ZFHX3: variants seen among roughly 807,000 people sequenced by gnomAD.
ZFHX3 encodes zinc finger homeobox 3, also known as zinc finger homeobox protein 3.
In ZFHX3, 42 loss-of-function variants were observed where a neutral mutation model predicts 279.1. That is an observed-to-expected ratio of 0.15 (90% CI 0.12 to 0.19). The LOEUF is 0.19. ZFHX3 is among the 10% of genes least tolerant of loss of function. The pLI is 1.00. For synonymous variants in ZFHX3, 2,293 were observed against 1,957.8 expected, an observed-to-expected ratio of 1.17 and a Z score of -4.52; for missense variants, 4,981 against 4,754.0, an observed-to-expected ratio of 1.05 and a Z score of -1.40.
intron 2 of ZFHX3, among the ~76,000 whole-genome samples, chr16:73,560,805 C>A (rs999513625): frequency 6.6e-6 from 1 of 152,158 alleles, no homozygotes; most frequent in Non-Finnish European, 1.5e-5. Context: ...TTGTGTGAGT[C>A]GCTGCTACTT....
chr16:73,135,972 C>T (rs1966782457), intron 6 of ZFHX3, among the ~76,000 whole-genome samples: 1 of 152,226 alleles, frequency 6.6e-6, no homozygotes, highest in Admixed American at 6.5e-5. Flanking sequence ...ATTCCCCTGC[C>T]TCAGCCTCCT....
At chr16:73,738,933 CT>C (rs551915429) in intron 1 of ZFHX3, among the ~76,000 whole-genome samples, 207 of 152,262 alleles carry the variant, frequency 1.4e-3, no homozygotes, top group Non-Finnish European at 2.4e-3. Flanking sequence ...CAGAAGCTTC[CT>C]TTCGTCTATA....
chr16:73,077,339 A>G (rs1965896206), intron 8 of ZFHX3, among the ~76,000 whole-genome samples: 1 of 152,204 alleles, frequency 6.6e-6, no homozygotes, highest in Non-Finnish European at 1.5e-5. Context: ...ACTACAGATT[A>G]TTCTAGAAAT....
At chr16:73,599,214 C>A (rs2052085133) in intron 2 of ZFHX3, among the ~76,000 whole-genome samples, 1 of 152,220 alleles carries the variant, frequency 6.6e-6, no homozygotes, top group African/African-American at 2.4e-5. Context: ...TGTCTGTTAT[C>A]CCTCCATTAG....
chr16:73,484,382 T>C (rs2018935286), intron 2 of ZFHX3, among the ~76,000 whole-genome samples: 1 of 152,180 alleles, frequency 6.6e-6, no homozygotes, highest in South Asian at 2.1e-4. Flanking sequence ...TCATGATGCA[T>C]TAAGCCCCGA....
In ZFHX3 at chr16:72,797,483, T is replaced by C. The variant is rs112722798; in HGVS notation, c.5199A>G (p.Gln1733=). The change falls in exon 9 of 10, where the codon CAA becomes CAG. Residue 1733 remains glutamine (Q), a synonymous_variant. Coordinates refer to ENST00000268489, the MANE Select transcript of ZFHX3 (RefSeq NM_006885.4). The stretch of plus-strand genomic sequence containing the variant: ...CTTGTTGTTGTTGTTGTTGTTGTTG[T>C]TGTTGCTGTTGCTGCTGCTGTTGTT... The part of the protein sequence containing the change: ...QQQQQQQQQQ[Q]QQQQQQQQAQ... 13 of 1,597,260 alleles carry C rather than the reference T, an allele frequency of 8.1e-6. No homozygotes were observed. In the East Asian group the frequency reaches 1.1e-4, roughly 14 times the overall value.
intron 4 of ZFHX3, among the ~76,000 whole-genome samples, chr16:72,845,572 AC>A (rs2037457676): frequency 6.6e-6 from 1 of 151,860 alleles, no homozygotes; most frequent in African/African-American, 2.4e-5. Flanking sequence ...GTGTCACGGC[AC>A]CCCCGTCCTG....
At chr16:73,878,385 C>G (rs1487880332) in intron 1 of ZFHX3, among the ~76,000 whole-genome samples, 1 of 152,018 alleles carries the variant, frequency 6.6e-6, no homozygotes, top group Non-Finnish European at 1.5e-5. Context: ...GGGGTTCAGC[C>G]AAGAAGAACC....
chr16:73,779,730 T>C (rs1489204711), intron 1 of ZFHX3, among the ~76,000 whole-genome samples: 1 of 152,118 alleles, frequency 6.6e-6, no homozygotes, highest in African/African-American at 2.4e-5. Flanking sequence ...AAGCCTTTCC[T>C]TTTTTTGAGA....
Position 72,976,892 on chromosome 16 carries a change from G to A in ZFHX3, c.-49-16698C>T, listed in dbSNP as rs564611485. On this transcript the variant is annotated intron_variant, in intron 1 of 9. Coordinates refer to ENST00000268489, the MANE Select transcript of ZFHX3 (RefSeq NM_006885.4). ...CTCGGTTCAACTCCGCCAGTGCCCC[G>A]GGAGTTCTAACCCCCACGGGGGTCT... is the stretch of plus-strand genomic sequence containing the variant. Among the ~76,000 whole-genome samples, 5 of 152,036 alleles carry A rather than the reference G, an allele frequency of 3.3e-5. No individual in the cohort carries two copies. In the South Asian group the frequency reaches 6.3e-4, roughly 19 times the overall value.
intron 8 of ZFHX3, among the ~76,000 whole-genome samples, chr16:73,066,019 G>C (rs1287486601): frequency 3.3e-5 from 5 of 152,164 alleles, no homozygotes; most frequent in Admixed American, 6.5e-5. Context: ...GCAGGAGTCC[G>C]GCGCACACTG....
At chr16:73,287,558 G>C (rs2014653090) in intron 4 of ZFHX3, among the ~76,000 whole-genome samples, 1 of 146,560 alleles carries the variant, frequency 6.8e-6, no homozygotes, top group African/African-American at 2.5e-5. Context: ...GTGTGTGGCT[G>C]TGTGGGTCGG....
intron 3 of ZFHX3, among the ~76,000 whole-genome samples, chr16:73,394,074 C>T (rs2017076869): frequency 6.7e-6 from 1 of 150,060 alleles, no homozygotes. Flanking sequence ...AATAAAATTC[C>T]TATCGAAATG....
chr16:73,142,512 G>A (rs1966850234), intron 6 of ZFHX3, among the ~76,000 whole-genome samples: 1 of 152,212 alleles, frequency 6.6e-6, no homozygotes, highest in East Asian at 1.9e-4. Flanking sequence ...TCCCCCCATC[G>A]GCAGGGCCAC....
At position 72,785,753 on chromosome 16, in the gene ZFHX3, C is replaced by T; in HGVS notation, c.*1411G>A. The T allele has an allele frequency of 6.6e-6, 1 of 150,752 alleles. No individual in the cohort carries two copies. The highest frequency in any genetic ancestry group is 1.9e-4 in the East Asian group (1 of 5,166). The allele number at this position is 150,752 out of a possible 1,614,324, so 9.3% of individuals were successfully genotyped here. On this transcript the variant is annotated 3_prime_UTR_variant, in exon 10 of 10. Coordinates refer to ENST00000268489, the MANE Select transcript of ZFHX3 (RefSeq NM_006885.4). ...CCAATTACACAAATGGAAACAAATC[C>T]TTTAGTATAGAAAAAAAAAGAATAT...
intron 2 of ZFHX3, among the ~76,000 whole-genome samples, chr16:73,574,566 G>A (rs970259265): frequency 2.0e-5 from 3 of 152,212 alleles, no homozygotes; most frequent in African/African-American, 2.4e-5. Flanking sequence ...GATTGAAAAC[G>A]TGCCCAGTGA....
chr16:73,607,982 G>A lies in ZFHX3; in HGVS notation c.-1547+72198C>T, dbSNP rs563148563. Among the ~76,000 whole-genome samples, 17 of 152,200 alleles carry A rather than the reference G, an allele frequency of 1.1e-4. No homozygotes were observed. In the South Asian group the frequency reaches 1.7e-3, roughly 15 times the overall value. ...AGCTACTCAGGAAGCTGAGAGGTAG[G>A]TGGGTTGCCTGAGTCCAGGAGGTTG... On this transcript the variant is annotated intron_variant, in intron 2 of 17. Coordinates refer to the ZFHX3 transcript ENST00000641206.
chr16:72,969,696 AG>A (rs1478824587), intron 1 of ZFHX3, among the ~76,000 whole-genome samples: 1 of 152,234 alleles, frequency 6.6e-6, no homozygotes, highest in Non-Finnish European at 1.5e-5. Flanking sequence ...ACCTCCTTCA[AG>A]GGTCAAAGAA....
intron 1 of ZFHX3, among the ~76,000 whole-genome samples, chr16:73,805,842 G>A (rs79159062): frequency 0.023 from 3,471 of 152,262 alleles, 48 homozygotes; most frequent in Non-Finnish European, 0.035. Flanking sequence ...GTACTTCTTC[G>A]GCTCAGGTGG....
Sources: gnomAD v4.1 joint callset for allele counts (sites outside exome capture counted in the v4.1 genomes callset) on GRCh38, gnomAD v4.1.1 for gene constraint, MANE v1.5 for transcripts, NCBI Gene and HGNC (gene_info 2026-07-23, HGNC 2026-07-21) for gene names.